OTUD7A: variants seen among roughly 807,000 people sequenced by gnomAD.
OTUD7A encodes OTU domain-containing protein 7A.
OTUD7A carries 12 observed loss-of-function variants against 65.7 expected under a neutral mutation model. The ratio of observed to expected loss-of-function variants is 0.18; its 90% CI spans 0.12 to 0.30. OTUD7A has a LOEUF of 0.30. Among genes scored for constraint, OTUD7A ranks in the 10% least tolerant of loss-of-function variants. OTUD7A has a pLI of 1.00. For missense variants in OTUD7A, 1,148 were observed against 1,304.8 expected (o/e 0.88, Z 1.85); for synonymous variants, 641 against 586.3 (o/e 1.09, Z -1.35).
chr15:31,610,615 A>ATT lies in OTUD7A; in HGVS notation c.152-40419_152-40418insAA, dbSNP rs1336235314. Among the ~76,000 whole-genome samples the ATT allele has an allele frequency of 3.3e-3, 107 of 32,814 alleles. 2 individuals carry two copies. The highest frequency in any genetic ancestry group is 0.019 in the Middle Eastern group (1 of 52). The allele number at this position is 32,814 out of a possible 152,430, so 21.5% of individuals were successfully genotyped here. ...AAATTATATATATATATATATATAT[A>ATT]TATTTTTTTTTTTTTTTTTTTTTTG... On this transcript the variant is annotated intron_variant, in intron 3 of 12. Transcript: ENST00000307050.
chr15:31,766,262 C>T, intron 1 of OTUD7A: 1 of 1,594,290 alleles, frequency 6.3e-7, no homozygotes, highest in South Asian at 1.1e-5. Flanking sequence ...ATCTCGCACC[C>T]ATTGCATCAT....
intron 1 of OTUD7A, among the ~76,000 whole-genome samples, chr15:31,658,574 T>A (rs1415448706): frequency 2.0e-5 from 3 of 152,102 alleles, no homozygotes; most frequent in African/African-American, 7.2e-5. Context: ...ATCTCCCCAG[T>A]AAGCAGAAAG....
intron 1 of OTUD7A, among the ~76,000 whole-genome samples, chr15:31,817,205 T>C (rs1478426075): frequency 6.6e-6 from 1 of 151,854 alleles, no homozygotes; most frequent in African/African-American, 2.4e-5. Flanking sequence ...TGTCCATGCT[T>C]TTCATCCAAT....
At chr15:31,592,113 G>A (rs1231116775) in intron 3 of OTUD7A, among the ~76,000 whole-genome samples, 1 of 152,238 alleles carries the variant, frequency 6.6e-6, no homozygotes, top group Non-Finnish European at 1.5e-5. Flanking sequence ...GGATGAGTCA[G>A]TGAGTGAGAG....
At chr15:31,648,190 C>A (rs1891734585) in intron 3 of OTUD7A, among the ~76,000 whole-genome samples, 1 of 152,160 alleles carries the variant, frequency 6.6e-6, no homozygotes. Flanking sequence ...TGCCGGGCAC[C>A]TGCCCCCAAG....
chr15:31,550,483 C>T (rs1185760853), intron 5 of OTUD7A, among the ~76,000 whole-genome samples: 1 of 152,190 alleles, frequency 6.6e-6, no homozygotes, highest in Non-Finnish European at 1.5e-5. Flanking sequence ...CTCTTGGGTA[C>T]TCTCTAGGCA....
Position 31,562,875 on chromosome 15 carries a change from AG to A in OTUD7A, c.332-3689del, listed in dbSNP as rs377231316. The stretch of plus-strand genomic sequence containing the variant: ...AAAAAACAGCCCAGATTGGGCTCAC[AG>A]GTCTTTTTCTGGGCCCTGATTTAGA... On this transcript the variant is annotated intron_variant, in intron 4 of 12. Coordinates refer to ENST00000307050, the MANE Select transcript of OTUD7A (RefSeq NM_001382637.1). 8.3e-4 allele frequency among the ~76,000 whole-genome samples: 126 copies of A among 152,298 alleles called. 1 individual carries two copies. The East Asian group carries it at 0.012, about 15-fold the overall frequency.
intron 3 of OTUD7A, among the ~76,000 whole-genome samples, chr15:31,621,647 G>T (rs1338172439): frequency 6.6e-6 from 1 of 151,658 alleles, no homozygotes; most frequent in Non-Finnish European, 1.5e-5. Flanking sequence ...TTTATTTTGA[G>T]CCTATTTGTG....
chr15:31,568,616 T>C (rs1285826695), intron 4 of OTUD7A, among the ~76,000 whole-genome samples: 1 of 152,178 alleles, frequency 6.6e-6, no homozygotes, highest in Non-Finnish European at 1.5e-5. Context: ...TGGATTGATA[T>C]AGTTTGGATA....
At chr15:31,654,627 C>A (rs1026952076) in intron 3 of OTUD7A, among the ~76,000 whole-genome samples, 25 of 152,094 alleles carry the variant, frequency 1.6e-4, no homozygotes, top group Non-Finnish European at 3.7e-4. Flanking sequence ...ATAGAAACTA[C>A]ACTTTCATTT....
intron 5 of OTUD7A, among the ~76,000 whole-genome samples, chr15:31,538,756 C>T (rs1887888666): frequency 6.6e-6 from 1 of 152,102 alleles, no homozygotes; most frequent in Non-Finnish European, 1.5e-5. Flanking sequence ...ATGAATGTCA[C>T]CCCTCTGCCA....
Position 31,657,039 on chromosome 15 carries a change from G to C in OTUD7A, c.-61C>G, listed in dbSNP as rs28439279. The C allele has an allele frequency of 0.11, 17,530 of 152,674 alleles. 2,797 individuals are homozygous for C. The highest frequency in any genetic ancestry group is 0.36 in the African/African-American group (14,924 of 41,494). 9.5% of individuals were successfully genotyped at this position (152,674 alleles called of 1,614,324 possible). Reference sequence around the variant, plus strand: ...TTTCTTCCTTCTCTCCATGCACTGGGGCCTCGGCCGGGAGAGTCTCTTCTT... The same window carrying C: ...TTTCTTCCTTCTCTCCATGCACTGGCGCCTCGGCCGGGAGAGTCTCTTCTT... On this transcript the variant is annotated 5_prime_UTR_variant, in exon 2 of 13. Coordinates refer to ENST00000307050, the MANE Select transcript of OTUD7A (RefSeq NM_001382637.1).
intron 1 of OTUD7A, among the ~76,000 whole-genome samples, chr15:31,787,971 C>T (rs1480368775): frequency 1.3e-5 from 2 of 152,140 alleles, no homozygotes; most frequent in African/African-American, 2.4e-5. Context: ...AAGCTTACTG[C>T]TATACAATTA....
chr15:31,858,154 A>G (rs1897625588), intron 1 of OTUD7A, among the ~76,000 whole-genome samples: 1 of 152,188 alleles, frequency 6.6e-6, no homozygotes, highest in African/African-American at 2.4e-5. Flanking sequence ...GGTGAGGTCA[A>G]AAGGCCCGAG....
intron 1 of OTUD7A, among the ~76,000 whole-genome samples, chr15:31,735,496 T>C (rs1894163398): frequency 6.7e-6 from 1 of 149,864 alleles, no homozygotes; most frequent in Non-Finnish European, 1.5e-5. Context: ...ATTGCGCCAC[T>C]GTACTACAGC....
In OTUD7A at chr15:31,484,961, G is replaced by A. The variant is rs112619557; in HGVS notation, c.1372-237C>T. 6.4e-3 allele frequency among the ~76,000 whole-genome samples: 981 copies of A among 152,326 alleles called. 5 individuals carry two copies. Among genetic ancestry groups the A allele is most frequent in the Middle Eastern group, 0.014 (4 of 294 alleles). The stretch of plus-strand genomic sequence containing the variant: ...AAGGATGTAGGGACCTCTTAACTGC[G>A]TGTGTCTTCTGGCCAGGGAAGCTGG... On this transcript the variant is annotated intron_variant, in intron 12 of 12. Transcript: ENST00000307050. This position sits in a 1 kb window ranked among gnomAD's most constrained non-coding sequence, Gnocchi z 4.5.
chr15:31,783,488 T>G (rs770754138), intron 1 of OTUD7A, among the ~76,000 whole-genome samples: 11 of 152,258 alleles, frequency 7.2e-5, no homozygotes, highest in Non-Finnish European at 1.5e-4. Context: ...GTAGTCTTCA[T>G]ATTCTTCACC....
intron 3 of OTUD7A, among the ~76,000 whole-genome samples, chr15:31,592,951 GTA>G (rs1248212540): frequency 1.7e-4 from 15 of 88,750 alleles, no homozygotes; most frequent in African/African-American, 3.7e-4. Context: ...ATATACACGT[GTA>G]TATATATATG....
At chr15:31,819,856 A>G (rs1030267181) in intron 1 of OTUD7A, among the ~76,000 whole-genome samples, 1 of 152,046 alleles carries the variant, frequency 6.6e-6, no homozygotes, top group Non-Finnish European at 1.5e-5. Context: ...AATATATTCG[A>G]TATATGTAAT....
Sources: allele counts gnomAD v4.1 joint callset (sites outside exome capture counted in the v4.1 genomes callset), GRCh38; gene constraint gnomAD v4.1.1; non-coding constraint Gnocchi (gnomAD v3.1); transcripts MANE v1.5; gene names NCBI Gene and HGNC (gene_info 2026-07-23, HGNC 2026-07-21).